Variants in TPRA1 observed in about 807,000 individuals in gnomAD.
TPRA1 encodes the protein transmembrane protein adipocyte associated 1, also known as transmembrane protein adipocyte-associated 1.
TPRA1 carries 28 observed loss-of-function variants against 40.1 expected under a neutral mutation model. The ratio of observed to expected loss-of-function variants is 0.70; its 90% CI spans 0.52 to 0.96. The LOEUF is 0.96. Ranked by LOEUF, TPRA1 falls within the 40% of genes least tolerant of loss-of-function variation. TPRA1 has a pLI of 0.00. For missense variants in TPRA1, 441 were observed against 482.6 expected (o/e 0.91, Z 0.81); for synonymous variants, 219 against 209.7 (o/e 1.04, Z -0.38).
intron 1 of TPRA1, chr3:127,588,270 G>T (rs1250096241): frequency 6.6e-6 from 1 of 152,320 alleles, no homozygotes; most frequent in Non-Finnish European, 1.5e-5. Context: ...GCAGGGGTAG[G>T]GCTGAACAGT....
intron 1 of TPRA1, among the ~76,000 whole-genome samples, chr3:127,595,889 C>CTA (rs1281814610): frequency 6.6e-6 from 1 of 152,072 alleles, no homozygotes; most frequent in Non-Finnish European, 1.5e-5. Context: ...TGAATCCTAT[C>CTA]ATGTGAAGAA....
In TPRA1 at chr3:127,576,648, G is replaced by A. The variant is rs1293325970; in HGVS notation, c.467C>T (p.Thr156Ile). 3.1e-6 allele frequency: 5 copies of A among 1,610,324 alleles called. No individual in the cohort carries two copies. The African/African-American group carries it at 6.7e-5, about 22-fold the overall frequency. The stretch of plus-strand genomic sequence containing the variant: ...GACAGAGTAGGCCAGGGACAGCACT[G>A]TGGTGATGGCCAGCACCCGCTTGAT... ...SSIKRVLAIT[T>I]VLSLAYSVTQ... The change falls in exon 6 of 11, where the codon ACA becomes ATA. Residue 156 changes from threonine to isoleucine, a missense_variant. By Grantham distance (89) the Thr-to-Ile change is moderately conservative. Coordinates refer to ENST00000355552, the MANE Select transcript of TPRA1 (RefSeq NM_001136053.4). The surrounding 1 kb of genome is among the most constrained non-coding windows in gnomAD (Gnocchi z 4.6).
intron 1 of TPRA1, among the ~76,000 whole-genome samples, chr3:127,584,994 G>A (rs1167958667): frequency 6.6e-6 from 1 of 152,088 alleles, no homozygotes; most frequent in Non-Finnish European, 1.5e-5. Context: ...ACAGAGCAAT[G>A]AGAAAGAAGG....
upstream of TPRA1, among the ~76,000 whole-genome samples, chr3:127,592,312 TCGAACCCTG>T (rs1411919083): frequency 6.6e-6 from 1 of 151,508 alleles, no homozygotes; most frequent in African/African-American, 2.4e-5. Context: ...TTGTATCGGT[TCGAACCCTG>T]CGAGCGCGCC....
intron 1 of TPRA1, among the ~76,000 whole-genome samples, chr3:127,584,903 C>T (rs2073953935): frequency 6.6e-6 from 1 of 152,030 alleles, no homozygotes; most frequent in Non-Finnish European, 1.5e-5. Flanking sequence ...TCCTCCCTTC[C>T]CGGTGGCTGG....
chr3:127,591,091 CGGCCGGACCGT>C (rs2074158944), upstream of TPRA1: 1 of 152,216 alleles, frequency 6.6e-6, no homozygotes, highest in Non-Finnish European at 1.5e-5. Context: ...GCCTGGGCCG[CGGCCGGACCGT>C]CGGGGCGGAG....
intron 1 of TPRA1, among the ~76,000 whole-genome samples, chr3:127,588,444 A>G (rs1203562695): frequency 6.8e-6 from 1 of 146,106 alleles, no homozygotes; most frequent in African/African-American, 2.6e-5. Flanking sequence ...TTTTTGAGAC[A>G]GAGTCTCGCT....
At chr3:127,578,326 A>G (rs1232167398) in intron 3 of TPRA1, among the ~76,000 whole-genome samples, 1 of 152,176 alleles carries the variant, frequency 6.6e-6, no homozygotes, top group Admixed American at 6.5e-5. Context: ...GCAGATCAAC[A>G]TCTGTTATGC....
chr3:127,580,234 C>A, intron 1 of TPRA1, 71 bp from the exon 2 acceptor site: 1 of 1,516,902 alleles, frequency 6.6e-7, no homozygotes, highest in Non-Finnish European at 8.8e-7. Context: ...GGACCTGGGA[C>A]TCCCAGGGGA....
In TPRA1 at chr3:127,573,386, A is replaced by C. The variant is rs2073437257; in HGVS notation, c.*135T>G. 1 of 1,234,906 alleles carries C rather than the reference A, an allele frequency of 8.1e-7. No individual in the cohort carries two copies. Among genetic ancestry groups the C allele is most frequent in the Non-Finnish European group, 1.1e-6 (1 of 918,830 alleles). 76.5% of individuals were successfully genotyped at this position (1,234,906 alleles called of 1,614,324 possible). On this transcript the variant is annotated 3_prime_UTR_variant, in exon 11 of 11. Transcript: ENST00000355552. ...GGAGCCCCAGGGAGGTGGGGCCTCC[A>C]GACTCATGGTGGGAACAGGGCCACA...
At chr3:127,595,650 C>T (rs973844852), upstream of TPRA1, 7 of 152,294 alleles carry the variant, frequency 4.6e-5, no homozygotes, top group African/African-American at 1.4e-4. Flanking sequence ...CTAGGATCTC[C>T]TCTCCTTCAG....
chr3:127,571,670 A>AACGTT lies in TPRA1; in HGVS notation c.*1850_*1851insAACGT, dbSNP rs2073379865. The AACGTT allele has an allele frequency of 6.6e-6, 1 of 152,206 alleles. No individual in the cohort carries two copies. The highest frequency in any genetic ancestry group is 1.5e-5 in the Non-Finnish European group (1 of 68,034). 9.4% of individuals were successfully genotyped at this position (152,206 alleles called of 1,614,324 possible). ...TATACACATCCGTTGGTGTGAACAC[A>AACGTT]GGATGGCTCTGGAAGGTTATGGAGA... On this transcript the variant is annotated 3_prime_UTR_variant, in exon 11 of 11. Transcript: ENST00000355552.
intron 1 of TPRA1, among the ~76,000 whole-genome samples, chr3:127,583,968 C>A (rs572382684): frequency 6.6e-6 from 1 of 151,958 alleles, no homozygotes; most frequent in South Asian, 2.1e-4. Flanking sequence ...CATGCCCAGC[C>A]CACACGTGCT....
intron 1 of TPRA1, among the ~76,000 whole-genome samples, chr3:127,589,671 C>T (rs1409650121): frequency 6.6e-6 from 1 of 152,114 alleles, no homozygotes; most frequent in African/African-American, 2.4e-5. Context: ...TGGCTCTCCC[C>T]CAGCTCTCTC....
chr3:127,573,335 G>T lies in TPRA1; in HGVS notation c.*186C>A. On this transcript the variant is annotated 3_prime_UTR_variant, in exon 11 of 11. Transcript: ENST00000355552. ...TGGGAAGGGGAGGAGGGTCCCCAGT[G>T]AGAGCAGAGATGGCAAAGGGGATTG... 1 of 692,220 alleles carries T rather than the reference G, an allele frequency of 1.4e-6. No homozygotes were observed. Among genetic ancestry groups the T allele is most frequent in the Non-Finnish European group, 2.3e-6 (1 of 433,082 alleles). The allele number at this position is 692,220 out of a possible 1,614,324, so 42.9% of individuals were successfully genotyped here.
upstream of TPRA1, among the ~76,000 whole-genome samples, chr3:127,592,648 G>T (rs2074198865): frequency 1.3e-5 from 2 of 151,842 alleles, no homozygotes; most frequent in African/African-American, 2.4e-5. Context: ...GCCTCCCAAA[G>T]TGCTGGGATT....
rs528038940 is a variant in TPRA1, at chr3:127,574,186, G to A, written c.855-398C>T. On this transcript the variant is annotated intron_variant, in intron 10 of 10. Transcript: ENST00000355552. ...TTACCACCCACTCCACTCTGACCTC[G>A]TCCCTCGGCCCTCAGGGCAACTCTC... is the stretch of plus-strand genomic sequence containing the variant. Among the ~76,000 whole-genome samples the A allele has an allele frequency of 7.9e-5, 12 of 152,268 alleles. No individual in the cohort carries two copies. In the South Asian group the frequency reaches 1.9e-3, roughly 24 times the overall value.
Position 127,575,960 on chromosome 3 carries a change from T to A in TPRA1, c.589A>T (p.Ser197Cys), listed in dbSNP as rs1262104305. The A allele has an allele frequency of 6.2e-7, 1 of 1,613,994 alleles. No individual in the cohort carries two copies. Among genetic ancestry groups the A allele is most frequent in the Non-Finnish European group, 8.5e-7 (1 of 1,180,010 alleles). The change falls in exon 7 of 11, where the codon AGC becomes TGC. Residue 197 changes from serine to cysteine, a missense_variant. Coordinates refer to ENST00000355552, the MANE Select transcript of TPRA1 (RefSeq NM_001136053.4). ...GHGGRQFWLV[S>C]SCFFFLVYSL... Reference sequence around the variant, plus strand: ...CTCACCAGGAAGAAGAAGCAGGAGCTGACCAGCCAGAACTGGCGGCCCCCA... The same window carrying A: ...CTCACCAGGAAGAAGAAGCAGGAGCAGACCAGCCAGAACTGGCGGCCCCCA...
intron 1 of TPRA1, among the ~76,000 whole-genome samples, chr3:127,581,711 G>A (rs368783863): frequency 8.6e-5 from 13 of 151,368 alleles, no homozygotes; most frequent in African/African-American, 2.2e-4. Context: ...TCAGGAGTTC[G>A]GGACCAGCCT....
Sources: allele counts gnomAD v4.1 joint callset (sites outside exome capture counted in the v4.1 genomes callset), GRCh38; gene constraint gnomAD v4.1.1; non-coding constraint Gnocchi (gnomAD v3.1); transcripts MANE v1.5; gene names NCBI Gene and HGNC (gene_info 2026-07-23, HGNC 2026-07-21).